The following SFI1 variants were observed in gnomAD, a reference collection of about 807,000 sequenced individuals.
The protein encoded by SFI1 is SFI1 centrin binding protein.
Under a neutral mutation model 207.5 loss-of-function variants are expected in SFI1, and 195 were observed. The ratio of observed to expected loss-of-function variants is 0.94; its 90% CI spans 0.84 to 1.06. The LOEUF (loss-of-function observed/expected upper bound fraction) is 1.06. Among genes scored for constraint, SFI1 ranks in the 50% least tolerant of loss-of-function variants. The pLI is 0.00. For synonymous variants in SFI1, 630 were observed against 598.9 expected, an observed-to-expected ratio of 1.05 and a Z score of -0.76; for missense variants, 1,634 against 1,588.0, an observed-to-expected ratio of 1.03 and a Z score of -0.49.
intron 8 of SFI1, among the ~76,000 whole-genome samples, chr22:31,562,475 T>G (rs1383055141): frequency 6.6e-6 from 1 of 151,242 alleles, no homozygotes; most frequent in Admixed American, 6.6e-5. Flanking sequence ...TTTATTGTGG[T>G]CTTACTTGTG....
At chr22:31,581,098 A>T (rs2064113191) in intron 12 of SFI1, among the ~76,000 whole-genome samples, 1 of 152,062 alleles carries the variant, frequency 6.6e-6, no homozygotes. Context: ...CTCCTGCCTC[A>T]GCCTCCCAAG....
chr22:31,573,009 C>G (rs994234239), intron 8 of SFI1, 49 bp from the exon 9 acceptor site: 9 of 1,593,928 alleles, frequency 5.6e-6, no homozygotes, highest in Non-Finnish European at 7.7e-6. Context: ...TGTACTTCAC[C>G]CTGTTTTCCT....
At chr22:31,578,892 C>G (rs2063792620) in intron 11 of SFI1, among the ~76,000 whole-genome samples, 1 of 152,126 alleles carries the variant, frequency 6.6e-6, no homozygotes, top group Non-Finnish European at 1.5e-5. Context: ...TACGAAAACC[C>G]CTAATCCAGT....
chr22:31,522,731 C>T (rs1191003194), intron 2 of SFI1, among the ~76,000 whole-genome samples: 1 of 152,132 alleles, frequency 6.6e-6, no homozygotes, highest in South Asian at 2.1e-4. Flanking sequence ...TGTCAGCTCA[C>T]TGCAACCTCT....
Position 31,606,338 on chromosome 22 carries a change from C to A in SFI1, c.2065C>A (p.Arg689Ser), listed in dbSNP as rs774097635. 5.6e-6 allele frequency: 9 copies of A among 1,613,814 alleles called. No homozygotes were observed. Among genetic ancestry groups the A allele is most frequent in the Non-Finnish European group, 7.6e-6 (9 of 1,179,996 alleles). The change falls in exon 21 of 33, where the codon CGT (arginine) becomes AGT (serine). Residue 689 changes from arginine to serine, a missense_variant. By Grantham distance (110) the Arg-to-Ser change is moderately radical. Coordinates refer to ENST00000400288, the MANE Select transcript of SFI1 (RefSeq NM_001007467.3). ...HNRQLLRGAL[R>S]RWKENTMARV... Reference sequence around the variant, plus strand: ...CCCATGCATCTGCAGCGGGGCATTACGTCGCTGGAAAGAGAACACCATGGC... The same window carrying A: ...CCCATGCATCTGCAGCGGGGCATTAAGTCGCTGGAAAGAGAACACCATGGC...
chr22:31,607,827 A>G, intron 21 of SFI1, 110 bp from the exon 22 acceptor site: 1 of 851,610 alleles, frequency 1.2e-6, no homozygotes, highest in Non-Finnish European at 1.9e-6. Flanking sequence ...GTGAGAAGCA[A>G]ATGGCAACAG....
intron 22 of SFI1, among the ~76,000 whole-genome samples, chr22:31,609,090 T>G (rs1196281694): frequency 1.3e-5 from 2 of 151,782 alleles, no homozygotes; most frequent in Non-Finnish European, 2.9e-5. Context: ...CTCCACCTCT[T>G]GGGGTTCAAG....
At chr22:31,607,751 AG>A (rs2069303802) in intron 21 of SFI1, 185 bp from the exon 22 acceptor site, 1 of 478,422 alleles carries the variant, frequency 2.1e-6, no homozygotes, top group Admixed American at 3.4e-5. Flanking sequence ...GCTTCCTGTG[AG>A]GGGCTGGGGC....
At chr22:31,587,085 A>G (rs61561528) in intron 14 of SFI1, among the ~76,000 whole-genome samples, 6,756 of 152,280 alleles carry the variant, frequency 0.044, 131 homozygotes, top group Non-Finnish European at 0.05. Context: ...CATAGATTCA[A>G]CCAACCATGG....
chr22:31,516,783 C>T (rs1049719464), intron 2 of SFI1, among the ~76,000 whole-genome samples: 2 of 151,616 alleles, frequency 1.3e-5, no homozygotes, highest in Non-Finnish European at 2.9e-5. Context: ...GGAGAAACCC[C>T]GTCTCTACTA....
intron 12 of SFI1, 148 bp downstream of exon 12, chr22:31,580,512 A>C: frequency 2.5e-6 from 1 of 404,804 alleles, no homozygotes; most frequent in East Asian, 4.9e-5. Context: ...GTAAAACCTT[A>C]GTTTGCATTT....
intron 4 of SFI1, among the ~76,000 whole-genome samples, chr22:31,535,082 G>C (rs911999919): frequency 1.3e-5 from 2 of 151,568 alleles, no homozygotes; most frequent in African/African-American, 4.8e-5. Flanking sequence ...GGCCAGGCTA[G>C]TCTTGAACTC....
At chr22:31,587,348 C>A in intron 14 of SFI1, 1 of 379,398 alleles carries the variant, frequency 2.6e-6, no homozygotes, top group Admixed American at 2.5e-5. Context: ...GTCACCCAGG[C>A]TGGAGTACAG....
intron 6 of SFI1, among the ~76,000 whole-genome samples, chr22:31,550,999 G>A (rs1016544418): frequency 6.6e-6 from 1 of 152,158 alleles, no homozygotes; most frequent in Admixed American, 6.6e-5. Flanking sequence ...TAGGAATGGT[G>A]TCCATTCCTC....
intron 9 of SFI1, among the ~76,000 whole-genome samples, chr22:31,574,785 G>A (rs926634712): frequency 1.3e-5 from 2 of 152,036 alleles, no homozygotes; most frequent in African/African-American, 2.4e-5. Context: ...GGCCGGGCGC[G>A]GTGGCTCACG....
chr22:31,517,016 C>A (rs1012351484), intron 2 of SFI1, among the ~76,000 whole-genome samples: 1 of 151,744 alleles, frequency 6.6e-6, no homozygotes, highest in Non-Finnish European at 1.5e-5. Flanking sequence ...TGCCTATAAT[C>A]CCAGCTACTT....
At position 31,616,439 on chromosome 22, in the gene SFI1, G is replaced by A. The variant is rs1056984536; in HGVS notation, c.3301-306G>A. The A allele has an allele frequency of 4.2e-5, 14 of 332,158 alleles. 1 individual carries two copies. Among genetic ancestry groups the A allele is most frequent in the African/African-American group, 1.3e-4 (6 of 46,738 alleles). 20.6% of individuals were successfully genotyped at this position (332,158 alleles called of 1,614,324 possible). ...GGTCATGAGCTTAGAGCAGGTGGGGGTGGAGGGTTGGGTAAGGCAAGGCTA... is the reference window on the plus strand; with the variant it reads ...GGTCATGAGCTTAGAGCAGGTGGGGATGGAGGGTTGGGTAAGGCAAGGCTA... On this transcript the variant is annotated intron_variant, in intron 29 of 32. Transcript: ENST00000400288.
intron 8 of SFI1, chr22:31,572,706 T>C (rs2145840297): frequency 6.2e-6 from 1 of 162,402 alleles, no homozygotes; most frequent in East Asian, 1.7e-4. Flanking sequence ...TTTTGCCATG[T>C]TGGGCAGGCT....
At chr22:31,533,135 T>C (rs1297907378) in intron 4 of SFI1, among the ~76,000 whole-genome samples, 1 of 152,202 alleles carries the variant, frequency 6.6e-6, no homozygotes, top group Non-Finnish European at 1.5e-5. Flanking sequence ...CAGTTTGAAC[T>C]GTACAGGAGC....
Sources: gnomAD v4.1 joint callset for allele counts (sites outside exome capture counted in the v4.1 genomes callset) on GRCh38, gnomAD v4.1.1 for gene constraint, MANE v1.5 for transcripts, NCBI Gene and HGNC (gene_info 2026-07-23, HGNC 2026-07-21) for gene names.